Variants in NLGN1 observed in about 807,000 individuals in gnomAD.
The protein encoded by NLGN1 is neuroligin-1.
NLGN1 carries 12 observed loss-of-function variants against 65.5 expected under a neutral mutation model. That is an observed-to-expected ratio of 0.18 (90% CI 0.12 to 0.30). The LOEUF (loss-of-function observed/expected upper bound fraction) is 0.30. Among genes scored for constraint, NLGN1 ranks in the 10% least tolerant of loss-of-function variants. The pLI, the probability that NLGN1 is intolerant of heterozygous loss-of-function variation, is 1.00. For synonymous variants in NLGN1, 350 were observed against 359.5 expected, an observed-to-expected ratio of 0.97 and a Z score of 0.30; for missense variants, 750 against 1,007.1, an observed-to-expected ratio of 0.74 and a Z score of 3.46.
intron 1 of NLGN1, among the ~76,000 whole-genome samples, chr3:173,414,615 C>G (rs971117678): frequency 1.3e-5 from 2 of 149,682 alleles, no homozygotes; most frequent in African/African-American, 2.4e-5. Context: ...ACTTCTTAGT[C>G]TAGAAAGAGG....
intron 3 of NLGN1, among the ~76,000 whole-genome samples, chr3:173,747,122 CGT>C (rs1020204072): frequency 2.0e-5 from 3 of 146,994 alleles, no homozygotes; most frequent in African/African-American, 5.0e-5. Context: ...CACGTGTATA[CGT>C]GTGTGTGTAT....
intron 3 of NLGN1, among the ~76,000 whole-genome samples, chr3:173,775,734 TA>T (rs939487073): frequency 3.9e-5 from 6 of 152,132 alleles, no homozygotes; most frequent in Non-Finnish European, 7.4e-5. Context: ...GGAAGTAGTT[TA>T]AAAACAATAA....
chr3:173,792,607 GT>G (rs1218416051), intron 3 of NLGN1, among the ~76,000 whole-genome samples: 5 of 152,062 alleles, frequency 3.3e-5, no homozygotes, highest in African/African-American at 1.2e-4. Flanking sequence ...TGAAGTCACT[GT>G]TTTGTTCAAC....
rs115781815 is a variant in NLGN1 at position 173,705,885 on chromosome 3, T to C, written c.493+100794T>C. On this transcript the variant is annotated intron_variant, in intron 3 of 6. Coordinates refer to ENST00000457714, the Ensembl canonical transcript of NLGN1. ...GACAGTCAGTTGTAGCAATAACTCT[T>C]CTTGTGGTCTTTGAAAGATCAAATA... Among the ~76,000 whole-genome samples, 841 of 152,270 alleles carry C rather than the reference T, an allele frequency of 5.5e-3. 9 individuals carry two copies. The highest frequency in any genetic ancestry group is 0.019 in the African/African-American group (796 of 41,562).
chr3:174,020,529 T>C (rs1204519516), intron 4 of NLGN1, among the ~76,000 whole-genome samples: 1 of 152,102 alleles, frequency 6.6e-6, no homozygotes. Context: ...GATGTACTAC[T>C]CTCCTTAAAA....
chr3:174,133,076 G>A (rs967187679), intron 4 of NLGN1, among the ~76,000 whole-genome samples: 4 of 152,120 alleles, frequency 2.6e-5, no homozygotes, highest in African/African-American at 9.7e-5. Context: ...GTGCCTTTTG[G>A]TTCTTGTTCC....
intron 2 of NLGN1, among the ~76,000 whole-genome samples, chr3:173,579,303 G>C (rs954379559): frequency 1.2e-4 from 18 of 152,258 alleles, no homozygotes; most frequent in African/African-American, 4.1e-4. Flanking sequence ...GTGAATCCTT[G>C]TCTCTAGAAA....
intron 2 of NLGN1, among the ~76,000 whole-genome samples, chr3:173,563,701 T>C (rs1743162928): frequency 6.6e-6 from 1 of 152,184 alleles, no homozygotes; most frequent in Non-Finnish European, 1.5e-5. Flanking sequence ...CTCATACCCT[T>C]GTATATTATA....
intron 2 of NLGN1, among the ~76,000 whole-genome samples, chr3:173,495,889 T>C (rs757115425): frequency 2.0e-5 from 3 of 151,844 alleles, no homozygotes; most frequent in Non-Finnish European, 4.4e-5. Flanking sequence ...TATATCTTCT[T>C]ATGATTTGAA....
chr3:173,819,758 A>T (rs372105514), intron 4 of NLGN1, among the ~76,000 whole-genome samples: 30 of 152,232 alleles, frequency 2.0e-4, no homozygotes, highest in African/African-American at 6.3e-4. Context: ...AAATTAAAAA[A>T]TATCTGGTTT....
intron 3 of NLGN1, among the ~76,000 whole-genome samples, chr3:173,632,884 A>G (rs967354648): frequency 6.8e-6 from 1 of 146,828 alleles, no homozygotes; most frequent in Non-Finnish European, 1.5e-5. Context: ...TGTCTTCTCA[A>G]AAAGGGATGA....
intron 3 of NLGN1, among the ~76,000 whole-genome samples, chr3:173,655,501 T>C (rs890361317): frequency 6.6e-6 from 1 of 152,102 alleles, no homozygotes; most frequent in Non-Finnish European, 1.5e-5. Context: ...TGTTATCATT[T>C]TGAGCTACAT....
chr3:173,423,340 A>G (rs75461889), intron 1 of NLGN1, among the ~76,000 whole-genome samples: 6,247 of 152,192 alleles, frequency 0.041, 421 homozygotes, highest in African/African-American at 0.14. Flanking sequence ...AAAATCAATA[A>G]TGCCTTCCTA....
chr3:173,437,691 C>T (rs934922287), intron 2 of NLGN1, among the ~76,000 whole-genome samples: 2 of 152,140 alleles, frequency 1.3e-5, no homozygotes, highest in South Asian at 4.1e-4. Flanking sequence ...AAGTATCGTG[C>T]ATCGTGTGTT....
Position 173,784,592 on chromosome 3 carries a change from CAG to C in NLGN1, c.494-23084_494-23083del, listed in dbSNP as rs531226217. ...ACAGAAAGGCAGACAGAGAGAAAGA[CAG>C]AGAAATAGAGTGAGAAACAGAGAGA... On this transcript the variant is annotated intron_variant, in intron 3 of 6. Coordinates refer to ENST00000457714, the Ensembl canonical transcript of NLGN1. 3.5e-4 allele frequency among the ~76,000 whole-genome samples: 53 copies of C among 152,040 alleles called. No homozygotes were observed. The South Asian group carries it at 0.01, about 29-fold the overall frequency.
chr3:174,030,078 CAT>C (rs969049186), intron 4 of NLGN1, among the ~76,000 whole-genome samples: 35 of 150,550 alleles, frequency 2.3e-4, no homozygotes, highest in Admixed American at 6.6e-4. Flanking sequence ...CTGGATAACA[CAT>C]GTGTTATTTC....
chr3:173,710,337 G>C (rs1484383320), intron 3 of NLGN1, among the ~76,000 whole-genome samples: 1 of 151,982 alleles, frequency 6.6e-6, no homozygotes, highest in Non-Finnish European at 1.5e-5. Context: ...ATTGTAAGCT[G>C]TATTTCCACT....
chr3:173,672,328 T>G (rs1039372393), intron 3 of NLGN1, among the ~76,000 whole-genome samples: 3 of 152,170 alleles, frequency 2.0e-5, no homozygotes, highest in Non-Finnish European at 4.4e-5. Context: ...TTTCAGATGT[T>G]TTTGATCCAT....
intron 3 of NLGN1, among the ~76,000 whole-genome samples, chr3:173,699,269 A>T (rs566743177): frequency 1.3e-5 from 2 of 152,356 alleles, no homozygotes; most frequent in Admixed American, 1.3e-4. Flanking sequence ...AACATAAAAT[A>T]AAAGAACACA....
Sources: allele counts gnomAD v4.1 joint callset (sites outside exome capture counted in the v4.1 genomes callset), GRCh38; gene constraint gnomAD v4.1.1; transcripts MANE v1.5; gene names NCBI Gene and HGNC (gene_info 2026-07-23, HGNC 2026-07-21).